PDE11A: variants seen among roughly 807,000 people sequenced by gnomAD.
PDE11A encodes dual 3',5'-cyclic-AMP and -GMP phosphodiesterase 11A.
A neutral mutation model predicts 100.5 loss-of-function variants in PDE11A; 100 were observed. The observed-to-expected ratio is 1.00, with a 90% CI of 0.85 to 1.18. The LOEUF (loss-of-function observed/expected upper bound fraction) is 1.18. Ranked by LOEUF, PDE11A falls within the 50% of genes most tolerant of loss-of-function variation. The pLI, the probability that PDE11A is intolerant of heterozygous loss-of-function variation, is 0.00. For synonymous variants in PDE11A, 381 were observed against 420.8 expected (o/e 0.91, Z 1.16); for missense variants, 1,141 against 1,152.6 (o/e 0.99, Z 0.15).
Position 178,072,757 on chromosome 2 carries a change from G to A in PDE11A, c.-320C>T, listed in dbSNP as rs2087155264. ...TCCTGTTCTGGCTGCCGCCGCTGCT[G>A]CTGGAACTGCTGCTGTAACCGGATG... On this transcript the variant is annotated 5_prime_UTR_variant, in exon 1 of 20. Coordinates refer to ENST00000286063, the MANE Select transcript of PDE11A (RefSeq NM_016953.4). The A allele has an allele frequency of 7.7e-7, 1 of 1,293,444 alleles. No individual in the cohort carries two copies. The highest frequency in any genetic ancestry group is 1.5e-5 in the South Asian group (1 of 65,480). The allele number at this position is 1,293,444 out of a possible 1,614,324, so 80.1% of individuals were successfully genotyped here. A position where few individuals can be genotyped will look rare whatever the true frequency, so the allele number is the denominator to read the frequency against.
intron 13 of PDE11A, 82 bp downstream of exon 13, chr2:177,711,687 G>A (rs751321776): frequency 6.1e-6 from 5 of 819,096 alleles, no homozygotes; most frequent in Non-Finnish European, 1.1e-5. Context: ...AGAAATTAAT[G>A]CTTTACTCTT....
intron 5 of PDE11A, among the ~76,000 whole-genome samples, chr2:177,858,127 C>T (rs1180044445): frequency 1.3e-5 from 2 of 151,940 alleles, no homozygotes; most frequent in East Asian, 3.8e-4. Context: ...CATGTTAGAC[C>T]TAAAACCATA....
chr2:177,759,279 TGA>T (rs1558924319), intron 10 of PDE11A, among the ~76,000 whole-genome samples: 1 of 152,158 alleles, frequency 6.6e-6, no homozygotes, highest in African/African-American at 2.4e-5. Context: ...AAATTTACCT[TGA>T]GAGTTTTATG....
chr2:178,028,595 T>G (rs953792273), intron 1 of PDE11A, among the ~76,000 whole-genome samples: 2 of 152,222 alleles, frequency 1.3e-5, no homozygotes, highest in African/African-American at 4.8e-5. Flanking sequence ...CCACCTTGGA[T>G]AGAGTTGATT....
At chr2:177,766,137 A>G (rs1385085691) in intron 10 of PDE11A, among the ~76,000 whole-genome samples, 1 of 151,996 alleles carries the variant, frequency 6.6e-6, no homozygotes, top group Non-Finnish European at 1.5e-5. Context: ...CAATTTTTCC[A>G]TGGACCTGGG....
intron 6 of PDE11A, among the ~76,000 whole-genome samples, chr2:177,829,323 A>T (rs2083274078): frequency 6.6e-6 from 1 of 152,200 alleles, no homozygotes; most frequent in African/African-American, 2.4e-5. Flanking sequence ...ACATTATTTT[A>T]AACATACTTC....
chr2:178,008,805 G>A (rs2086242417), intron 2 of PDE11A, among the ~76,000 whole-genome samples: 1 of 152,096 alleles, frequency 6.6e-6, no homozygotes, highest in Non-Finnish European at 1.5e-5. Context: ...CAGCAACCAA[G>A]CTCAAGTTGG....
At chr2:177,791,549 AG>A (rs1159178279) in intron 9 of PDE11A, among the ~76,000 whole-genome samples, 4 of 147,406 alleles carry the variant, frequency 2.7e-5, no homozygotes, top group Non-Finnish European at 4.5e-5. Flanking sequence ...AAAAAAAAAA[AG>A]AATAGTGTTT....
At chr2:177,816,764 G>A in intron 9 of PDE11A, 65 bp downstream of exon 9, 1 of 906,602 alleles carries the variant, frequency 1.1e-6, no homozygotes, top group Non-Finnish European at 1.9e-6. Context: ...CATAACCAGG[G>A]AAATTTTTTC....
In PDE11A at chr2:178,072,281, G is replaced by A. The variant is rs766576858; in HGVS notation, c.157C>T (p.Pro53Ser). ...AAGCTGCTGGTACCAGCCAAAGAGG[G>A]CCTTGGACCTAAAGCCCCCTGACCC... is the stretch of plus-strand genomic sequence containing the variant. Reference protein sequence around the residue: ...SQGQGALGPRPSLAGTSSLAH... With the variant: ...SQGQGALGPRSSLAGTSSLAH... The change falls in exon 1 of 20, where the codon CCC becomes TCC. Residue 53 changes from proline to serine, a missense_variant. Transcript: ENST00000286063. The A allele has an allele frequency of 1.2e-6, 2 of 1,613,818 alleles. No homozygotes were observed. Among genetic ancestry groups the A allele is most frequent in the African/African-American group, 2.7e-5 (2 of 75,034 alleles).
At chr2:177,645,808 T>G (rs1466980055) in intron 19 of PDE11A, among the ~76,000 whole-genome samples, 1 of 152,226 alleles carries the variant, frequency 6.6e-6, no homozygotes, top group Admixed American at 6.5e-5. Context: ...ATGATGTTTG[T>G]AGCATCAATG....
intron 5 of PDE11A, among the ~76,000 whole-genome samples, chr2:177,851,293 A>G (rs1205530059): frequency 6.6e-6 from 1 of 151,982 alleles, no homozygotes; most frequent in African/African-American, 2.4e-5. Flanking sequence ...AGAACAAAAA[A>G]CCAAACACCG....
intron 19 of PDE11A, among the ~76,000 whole-genome samples, chr2:177,631,522 TATATATATATATATATATATATATACAC>T (rs1259565875): frequency 9.6e-4 from 13 of 13,510 alleles, no homozygotes; most frequent in African/African-American, 2.7e-3. Flanking sequence ...AATATATATA[TATATATATATATATATATATATATACAC>T]ATGTATATAT....
intron 9 of PDE11A, among the ~76,000 whole-genome samples, chr2:177,810,034 C>T (rs2105567717): frequency 6.6e-6 from 1 of 152,220 alleles, no homozygotes; most frequent in Non-Finnish European, 1.5e-5. Flanking sequence ...GGATATATCC[C>T]ATGGAAGATG....
chr2:178,016,746 A>G (rs2086343613), intron 1 of PDE11A, among the ~76,000 whole-genome samples: 1 of 152,210 alleles, frequency 6.6e-6, no homozygotes, highest in Admixed American at 6.5e-5. Flanking sequence ...TTCCAGGAAG[A>G]TGAACCAATA....
upstream of PDE11A, among the ~76,000 whole-genome samples, chr2:178,076,297 C>T (rs2105876166): frequency 6.6e-6 from 1 of 152,212 alleles, no homozygotes; most frequent in East Asian, 1.9e-4. Flanking sequence ...TGAGGAGTTC[C>T]TTTTTAATAT....
intron 2 of PDE11A, among the ~76,000 whole-genome samples, chr2:177,938,002 C>G (rs908504874): frequency 6.6e-6 from 1 of 152,106 alleles, no homozygotes; most frequent in Admixed American, 6.5e-5. Context: ...CAATATTTTT[C>G]TTTGACCTCC....
chr2:177,670,021 A>G (rs1333823400), intron 17 of PDE11A, among the ~76,000 whole-genome samples: 1 of 152,230 alleles, frequency 6.6e-6, no homozygotes, highest in Non-Finnish European at 1.5e-5. Context: ...TCAATTTGCC[A>G]CATGAAAACT....
intron 2 of PDE11A, among the ~76,000 whole-genome samples, chr2:177,912,019 A>G (rs1337042867): frequency 6.6e-6 from 1 of 152,180 alleles, no homozygotes; most frequent in Non-Finnish European, 1.5e-5. Context: ...CAAGAGGGCA[A>G]ATAAAAAAGA....
Sources: gnomAD v4.1 joint callset for allele counts (sites outside exome capture counted in the v4.1 genomes callset) on GRCh38, gnomAD v4.1.1 for gene constraint, MANE v1.5 for transcripts, NCBI Gene and HGNC (gene_info 2026-07-23, HGNC 2026-07-21) for gene names.